The following AGFG1 variants were observed in gnomAD, a reference collection of about 807,000 sequenced individuals.
AGFG1 encodes the protein ArfGAP with FG repeats 1.
In AGFG1, 10 loss-of-function variants were observed where a neutral mutation model predicts 60.6. The ratio of observed to expected loss-of-function variants is 0.16; its 90% confidence interval spans 0.10 to 0.28. AGFG1 has a LOEUF of 0.28. Ranked by LOEUF, AGFG1 falls within the 10% of genes least tolerant of loss-of-function variation. The pLI, the probability that AGFG1 is intolerant of heterozygous loss-of-function variation, is 1.00. For missense variants in AGFG1, 537 were observed against 676.5 expected (o/e 0.79, Z 2.29); for synonymous variants, 247 against 242.9 (o/e 1.02, Z -0.16).
chr2:227,491,941 A>C (rs1231414214), intron 2 of AGFG1, among the ~76,000 whole-genome samples: 2 of 152,184 alleles, frequency 1.3e-5, no homozygotes, highest in Non-Finnish European at 2.9e-5. Flanking sequence ...CTTCGCTTCA[A>C]AAGTCAAAAA....
chr2:227,490,577 C>A (rs1185720701), intron 1 of AGFG1, among the ~76,000 whole-genome samples: 284 of 129,832 alleles, frequency 2.2e-3, no homozygotes, highest in South Asian at 2.5e-3. Context: ...GACTCCGTCT[C>A]AAAAAAAAAA....
chr2:227,544,318 C>T (rs559399430), intron 10 of AGFG1, among the ~76,000 whole-genome samples: 1 of 152,144 alleles, frequency 6.6e-6, no homozygotes, highest in African/African-American at 2.4e-5. Context: ...CCACACCCGG[C>T]TAATTTTTTG....
chr2:227,510,491 A>G (rs1575085368), intron 2 of AGFG1, among the ~76,000 whole-genome samples: 1 of 152,148 alleles, frequency 6.6e-6, no homozygotes, highest in East Asian at 1.9e-4. Context: ...AGTGGAGACA[A>G]GACATAGTAT....
chr2:227,510,495 A>G (rs1408519926), intron 2 of AGFG1, among the ~76,000 whole-genome samples: 2 of 152,130 alleles, frequency 1.3e-5, no homozygotes, highest in Non-Finnish European at 2.9e-5. Flanking sequence ...GAGACAAGAC[A>G]TAGTATGAGA....
intron 2 of AGFG1, among the ~76,000 whole-genome samples, chr2:227,492,354 C>G (rs1368276214): frequency 6.6e-6 from 1 of 151,616 alleles, no homozygotes; most frequent in Non-Finnish European, 1.5e-5. Context: ...GCCAGTTAAC[C>G]CAAGCTGATT....
intron 4 of AGFG1, among the ~76,000 whole-genome samples, chr2:227,524,523 A>G (rs1389364783): frequency 2.0e-5 from 3 of 152,200 alleles, no homozygotes; most frequent in Non-Finnish European, 2.9e-5. Context: ...TATCCTATAC[A>G]AGAATGGTTC....
chr2:227,549,803 T>A (rs34123267), intron 10 of AGFG1, among the ~76,000 whole-genome samples: 3,127 of 152,332 alleles, frequency 0.021, 58 homozygotes, highest in Non-Finnish European at 0.031. Flanking sequence ...AAAATTGATT[T>A]CATCACTGTT....
chr2:227,491,619 C>A lies in AGFG1; in HGVS notation c.240C>A (p.Phe80Leu). The change falls in exon 2 of 13, where the codon TTC becomes TTA. Residue 80 changes from phenylalanine to leucine, a missense_variant. By Grantham distance (22) the Phe-to-Leu change is conservative (BLOSUM62 0). Transcript: ENST00000310078. ...CATTCACACAACAGGAAATTGAATT[C>A]TTACAAAAACATGGAAATGAAGTAA... Reference protein sequence around the residue: ...MTTFTQQEIEFLQKHGNEVCK... With the variant: ...MTTFTQQEIELLQKHGNEVCK... 6.5e-7 allele frequency: 1 copy of A among 1,533,596 alleles called. No homozygotes were observed. The highest frequency in any genetic ancestry group is 8.8e-7 in the Non-Finnish European group (1 of 1,139,816). The allele number at this position is 1,533,596 out of a possible 1,614,324, so 95.0% of individuals were successfully genotyped here. A position where few individuals can be genotyped will look rare whatever the true frequency, so the allele number is the denominator to read the frequency against.
intron 2 of AGFG1, among the ~76,000 whole-genome samples, chr2:227,502,069 A>G (rs147728385): frequency 6.6e-6 from 1 of 152,024 alleles, no homozygotes; most frequent in East Asian, 1.9e-4. Context: ...GTGTTGCCCA[A>G]GTTGGTCTCA....
At chr2:227,539,469 A>T (rs1465400135) in intron 10 of AGFG1, among the ~76,000 whole-genome samples, 1 of 149,414 alleles carries the variant, frequency 6.7e-6, no homozygotes, top group Admixed American at 6.7e-5. Flanking sequence ...ACATGTTAAC[A>T]CTGTGAAATT....
At chr2:227,551,867 C>G (rs530224992) in intron 10 of AGFG1, 92 bp from the exon 11 acceptor site, 16 of 1,451,780 alleles carry the variant, frequency 1.1e-5, no homozygotes, top group Non-Finnish European at 1.5e-5. Flanking sequence ...TAGTATTTTT[C>G]AAGGTAAATG....
intron 10 of AGFG1, 137 bp downstream of exon 10, chr2:227,537,130 A>G: frequency 1.5e-6 from 1 of 660,450 alleles, no homozygotes; most frequent in South Asian, 2.5e-5. Flanking sequence ...TTGTCCATAA[A>G]GACAAATTCT....
intron 2 of AGFG1, among the ~76,000 whole-genome samples, chr2:227,514,639 C>T (rs1019069030): frequency 6.6e-6 from 1 of 152,192 alleles, no homozygotes; most frequent in Non-Finnish European, 1.5e-5. Flanking sequence ...CAAATAGCAG[C>T]ATACAGAGTT....
intron 10 of AGFG1, among the ~76,000 whole-genome samples, chr2:227,548,907 A>T (rs1298609106): frequency 6.6e-6 from 1 of 152,188 alleles, no homozygotes; most frequent in Non-Finnish European, 1.5e-5. Context: ...ACTGCACTCC[A>T]TCCTGGGCGA....
At chr2:227,476,084 T>C (rs1458749056) in intron 1 of AGFG1, among the ~76,000 whole-genome samples, 3 of 152,180 alleles carry the variant, frequency 2.0e-5, no homozygotes, top group Non-Finnish European at 4.4e-5. Flanking sequence ...TTCAGATGAC[T>C]GTCCTATATG....
rs1390457662 is a variant in AGFG1, at chr2:227,535,036, TTAGC to T, written c.1205+16_1205+19del. 2.5e-6 allele frequency: 4 copies of T among 1,580,736 alleles called. No individual in the cohort carries two copies. The highest frequency in any genetic ancestry group is 2.3e-5 in the South Asian group (2 of 86,274). ...AAGTAATGCTAGCAGGTACCTTGTC[TTAGC>T]TAGCCCTCCTGCTTTGTGTTTTATC... On this transcript the variant is annotated intron_variant, in intron 8 of 12. Coordinates refer to ENST00000310078, the MANE Select transcript of AGFG1 (RefSeq NM_004504.5).
chr2:227,497,702 CAT>C (rs982341021), intron 2 of AGFG1, among the ~76,000 whole-genome samples: 1 of 144,454 alleles, frequency 6.9e-6, no homozygotes, highest in African/African-American at 2.6e-5. Context: ...AATGCACAAG[CAT>C]ATATAGCCAA....
intron 10 of AGFG1, among the ~76,000 whole-genome samples, chr2:227,543,643 T>A (rs1688141298): frequency 6.6e-6 from 1 of 152,238 alleles, no homozygotes. Context: ...TGATTTGGGA[T>A]GAAGAGTTCT....
intron 2 of AGFG1, chr2:227,508,455 C>A: frequency 3.2e-6 from 1 of 312,196 alleles, no homozygotes. Flanking sequence ...TTCTGCTACT[C>A]CCTTGCTCAA....
Sources: allele counts gnomAD v4.1 joint callset (sites outside exome capture counted in the v4.1 genomes callset), GRCh38; gene constraint gnomAD v4.1.1; transcripts MANE v1.5; gene names NCBI Gene and HGNC (gene_info 2026-07-23, HGNC 2026-07-21).